Variants in GOLM1 observed in about 807,000 individuals in gnomAD.
The protein encoded by GOLM1 is epididymis luminal protein 46.
In GOLM1, 31 loss-of-function variants were observed where a neutral mutation model predicts 50.5. The ratio of observed to expected loss-of-function variants is 0.61; its 90% CI spans 0.46 to 0.83. The LOEUF (loss-of-function observed/expected upper bound fraction) is 0.83. Ranked by LOEUF, GOLM1 falls within the 40% of genes least tolerant of loss-of-function variation. The pLI is 0.00. For missense variants in GOLM1, 491 were observed against 501.3 expected (o/e 0.98, Z 0.20); for synonymous variants, 178 against 192.8 (o/e 0.92, Z 0.64).
chr9:86,095,125 T>A (rs936108881), intron 1 of GOLM1, among the ~76,000 whole-genome samples: 3 of 151,374 alleles, frequency 2.0e-5, no homozygotes, highest in African/African-American at 7.3e-5. Flanking sequence ...TACATCTCAG[T>A]AGGAGCTCAA....
intron 1 of GOLM1, among the ~76,000 whole-genome samples, chr9:86,096,192 TTG>T (rs1410264141): frequency 5.9e-5 from 9 of 152,084 alleles, no homozygotes; most frequent in African/African-American, 1.9e-4. Context: ...TTTTTTTTTT[TTG>T]GTTTGGAAAT....
chr9:86,094,227 C>G (rs574471185), intron 1 of GOLM1, among the ~76,000 whole-genome samples: 27 of 151,994 alleles, frequency 1.8e-4, no homozygotes, highest in Non-Finnish European at 3.4e-4. Flanking sequence ...TGCTTTCTGG[C>G]TACAAAGTAG....
At chr9:86,082,247 T>C (rs546235184) in intron 1 of GOLM1, among the ~76,000 whole-genome samples, 37 of 151,278 alleles carry the variant, frequency 2.4e-4, no homozygotes, top group East Asian at 1.2e-3. Flanking sequence ...AGGATGGTCT[T>C]GATCTCCTGA....
chr9:86,062,892 T>C (rs942367534), intron 3 of GOLM1, among the ~76,000 whole-genome samples: 3 of 152,180 alleles, frequency 2.0e-5, no homozygotes, highest in African/African-American at 7.2e-5. Flanking sequence ...GAGGCTTCTC[T>C]AGCAGTGGAC....
At chr9:86,071,085 A>G (rs1014885387) in intron 3 of GOLM1, among the ~76,000 whole-genome samples, 1 of 151,396 alleles carries the variant, frequency 6.6e-6, no homozygotes, top group African/African-American at 2.4e-5. Context: ...ATGTACACAC[A>G]CACACACACA....
At chr9:86,090,263 C>G (rs1178468054) in intron 1 of GOLM1, among the ~76,000 whole-genome samples, 1 of 152,264 alleles carries the variant, frequency 6.6e-6, no homozygotes, top group East Asian at 1.9e-4. Flanking sequence ...CCCTAGCAGA[C>G]TTTGAGTGTT....
intron 1 of GOLM1, among the ~76,000 whole-genome samples, 177 bp from the exon 2 acceptor site, chr9:86,079,518 C>A (rs1477924231): frequency 6.6e-6 from 1 of 152,120 alleles, no homozygotes; most frequent in African/African-American, 2.4e-5. Context: ...ACGCACAGAG[C>A]CCATGGTGCT....
rs531186221 is a variant in GOLM1, at chr9:86,041,549, G to A, written c.468-681C>T. Among the ~76,000 whole-genome samples, 6 of 152,310 alleles carry A rather than the reference G, an allele frequency of 3.9e-5. No individual in the cohort carries two copies. The East Asian group carries it at 5.8e-4, about 15-fold the overall frequency. On this transcript the variant is annotated intron_variant, in intron 5 of 9. Transcript: ENST00000388712. Reference sequence around the variant, plus strand: ...GGGCGGCTGACTCCACAGGGCAGCCGTTCCTGTCTCCCCCCGGCGCCTGCC... The same window carrying A: ...GGGCGGCTGACTCCACAGGGCAGCCATTCCTGTCTCCCCCCGGCGCCTGCC...
At chr9:86,056,788 G>A (rs1306512020) in intron 3 of GOLM1, among the ~76,000 whole-genome samples, 1 of 151,922 alleles carries the variant, frequency 6.6e-6, no homozygotes, top group Non-Finnish European at 1.5e-5. Context: ...ACAGGCATGA[G>A]GCACTGCACC....
rs564519607 is a variant in GOLM1, at chr9:86,083,670, G to A, written c.-21-4329C>T. ...CCCAAAGTGCTGGGATTATGGGCAT[G>A]AGCCACCATGCCCAGCCAGGCTTAA... On this transcript the variant is annotated intron_variant, in intron 1 of 9. Transcript: ENST00000388712. Among the ~76,000 whole-genome samples the A allele has an allele frequency of 1.2e-3, 185 of 152,322 alleles. 2 individuals carry two copies. Among genetic ancestry groups the A allele is most frequent in the African/African-American group, 4.4e-3 (181 of 41,574 alleles).
At chr9:86,089,553 A>G (rs943604530) in intron 1 of GOLM1, among the ~76,000 whole-genome samples, 1 of 151,874 alleles carries the variant, frequency 6.6e-6, no homozygotes, top group Admixed American at 6.6e-5. Context: ...CGATTTGGCT[A>G]TTGATACTTG....
intron 3 of GOLM1, among the ~76,000 whole-genome samples, chr9:86,064,860 G>A (rs1400586346): frequency 6.6e-6 from 1 of 152,164 alleles, no homozygotes; most frequent in East Asian, 1.9e-4. Context: ...GGTTCCACAC[G>A]CCTTTTGCTG....
chr9:86,042,261 T>C (rs1301226762), intron 5 of GOLM1, among the ~76,000 whole-genome samples: 1 of 152,238 alleles, frequency 6.6e-6, no homozygotes, highest in Non-Finnish European at 1.5e-5. Context: ...CCACTCGTTT[T>C]GCAAATAAGA....
chr9:86,063,918 C>T (rs915625671), intron 3 of GOLM1, among the ~76,000 whole-genome samples: 2 of 152,236 alleles, frequency 1.3e-5, no homozygotes, highest in Non-Finnish European at 2.9e-5. Flanking sequence ...TCTGGTCAGC[C>T]GCTAACCATC....
chr9:86,053,677 C>CACCATACCA (rs1564347591), intron 3 of GOLM1, among the ~76,000 whole-genome samples: 33 of 148,034 alleles, frequency 2.2e-4, no homozygotes, highest in Middle Eastern at 3.6e-3. Context: ...ACACGGCACA[C>CACCATACCA]CACTCCACAC....
intron 3 of GOLM1, among the ~76,000 whole-genome samples, chr9:86,055,003 T>C (rs1358099869): frequency 6.6e-6 from 1 of 152,224 alleles, no homozygotes; most frequent in African/African-American, 2.4e-5. Context: ...GCAAGCACAG[T>C]GCCTCTTCCT....
intron 3 of GOLM1, among the ~76,000 whole-genome samples, chr9:86,074,257 A>G (rs1834540250): frequency 6.7e-6 from 1 of 148,282 alleles, no homozygotes; most frequent in South Asian, 2.2e-4. Context: ...AAAAAAAAAG[A>G]CAGACAATGT....
rs1447497886 is a variant in GOLM1 at position 86,052,573 on chromosome 9, T to C, written c.328A>G (p.Ile110Val). The C allele has an allele frequency of 6.2e-7, 1 of 1,613,618 alleles. No homozygotes were observed. Among genetic ancestry groups the C allele is most frequent in the Non-Finnish European group, 8.5e-7 (1 of 1,179,584 alleles). ...CGGATGAGCCTCTCACCTGTGGTGA[T>C]GTTATTCACCAAAACCGCCTGCAAC... The part of the protein sequence containing the change: ...QDEKAVLVNN[I>V]TTGERLIRVL... The change falls in exon 4 of 10, where the codon ATC becomes GTC. Residue 110 changes from isoleucine (I) to valine (V), a missense_variant. Transcript: ENST00000388712.
At chr9:86,048,335 C>T (rs528465350) in intron 4 of GOLM1, among the ~76,000 whole-genome samples, 268 of 152,120 alleles carry the variant, frequency 1.8e-3, no homozygotes, top group African/African-American at 5.8e-3. Context: ...AATAAACATA[C>T]GTGTGCATGT....
Sources: gnomAD v4.1 joint callset for allele counts (sites outside exome capture counted in the v4.1 genomes callset) on GRCh38, gnomAD v4.1.1 for gene constraint, MANE v1.5 for transcripts, NCBI Gene and HGNC (gene_info 2026-07-23, HGNC 2026-07-21) for gene names.